NUP214: variants seen among roughly 807,000 people sequenced by gnomAD.
NUP214 encodes the protein nuclear pore complex protein Nup214.
NUP214 carries 79 observed loss-of-function variants against 196.2 expected under a neutral mutation model. That is an observed-to-expected ratio of 0.40 (90% CI 0.34 to 0.49). The LOEUF (loss-of-function observed/expected upper bound fraction) is 0.49. Among genes scored for constraint, NUP214 ranks in the 20% least tolerant of loss-of-function variants. The pLI is 0.58. For missense variants in NUP214, 2,468 were observed against 2,539.0 expected (o/e 0.97, Z 0.60); for synonymous variants, 1,020 against 990.5 (o/e 1.03, Z -0.56).
rs1831499048 is a variant in NUP214, at chr9:131,130,151, G to GTTTTGTT, written c.593-611_593-610insGTTTTTT. Among the ~76,000 whole-genome samples, 4 of 109,218 alleles carry GTTTTGTT rather than the reference G, an allele frequency of 3.7e-5. 1 individual carries two copies. The highest frequency in any genetic ancestry group is 1.4e-4 in the African/African-American group (4 of 27,650). The allele number at this position is 109,218 out of a possible 152,430, so 71.7% of individuals were successfully genotyped here. ...TTTCTGGTTTTGTTTTTTTTTTTTT[G>GTTTTGTT]TTTTTTTTTTGAGACAGAGTCTTGC... is the stretch of plus-strand genomic sequence containing the variant. On this transcript the variant is annotated intron_variant, in intron 4 of 35. Coordinates refer to ENST00000359428, the MANE Select transcript of NUP214 (RefSeq NM_005085.4).
Position 131,222,761 on chromosome 9 carries a change from C to T in NUP214, c.5750-17C>T. On this transcript the variant is annotated splice_polypyrimidine_tract_variant and intron_variant, in intron 31 of 35. Coordinates refer to ENST00000359428, the MANE Select transcript of NUP214 (RefSeq NM_005085.4). Reference sequence around the variant, plus strand: ...ATTTGTCTCCCTCTGACCTCCCTCACATCTTCATCTCTTCAGATACCTCTA... The same window carrying T: ...ATTTGTCTCCCTCTGACCTCCCTCATATCTTCATCTCTTCAGATACCTCTA... 1.2e-6 allele frequency: 2 copies of T among 1,609,006 alleles called. No individual in the cohort carries two copies. The highest frequency in any genetic ancestry group is 1.3e-5 in the African/African-American group (1 of 74,952).
Position 131,128,460 on chromosome 9 carries a change from G to A in NUP214, c.370G>A (p.Asp124Asn), listed in dbSNP as rs1319825530. Residue 124 changes from aspartate to asparagine, a missense_variant, in exon 3 of 36, where the codon GAT becomes AAT. Around this residue, in one of 5 missense-constraint regions of NUP214, gnomAD observed 392 missense variants for 417.9 expected, o/e 0.94. Transcript: ENST00000359428. ...ATATGGTTCCATTATTGCTTTTTTT[G>A]ATGTTCGCACATTCTCAAATGAGGT... Reference protein sequence around the residue: ...SEYGSIIAFFDVRTFSNEAKQ... With the variant: ...SEYGSIIAFFNVRTFSNEAKQ... 1.2e-6 allele frequency: 2 copies of A among 1,612,564 alleles called. No homozygotes were observed. Among genetic ancestry groups the A allele is most frequent in the South Asian group, 2.2e-5 (2 of 90,954 alleles).
At chr9:131,133,271 G>A in intron 7 of NUP214, 62 bp downstream of exon 7, 1 of 1,032,734 alleles carries the variant, frequency 9.7e-7, no homozygotes, top group Non-Finnish European at 1.4e-6. Flanking sequence ...TAAAGCTGGA[G>A]GCTTTGATTT....
rs113971407 is a variant in NUP214 at position 131,132,724 on chromosome 9, A to G, written c.727+65A>G. On this transcript the variant is annotated intron_variant, in intron 6 of 35. Transcript: ENST00000359428. ...ATGTTATGTATATTACAGAAATTCA[A>G]AATCATGTAATGTACCTGCTCAGTG... 109 of 1,372,856 alleles carry G rather than the reference A, an allele frequency of 7.9e-5. 1 individual carries two copies. Among genetic ancestry groups the G allele is most frequent in the African/African-American group, 3.6e-4 (25 of 69,914 alleles). The allele number at this position is 1,372,856 out of a possible 1,614,324, so 85.0% of individuals were successfully genotyped here. A position where few individuals can be genotyped will look rare whatever the true frequency, so the allele number is the denominator to read the frequency against.
intron 24 of NUP214, among the ~76,000 whole-genome samples, chr9:131,186,162 A>G (rs1489549348): frequency 6.6e-6 from 1 of 152,170 alleles, no homozygotes; most frequent in East Asian, 1.9e-4. Flanking sequence ...ACGGGGGAAC[A>G]CTGTATCTGT....
chr9:131,229,038 A>C (rs570893497), intron 33 of NUP214: 1 of 152,356 alleles, frequency 6.6e-6, no homozygotes, highest in Admixed American at 6.5e-5. Flanking sequence ...TGTTCAAAGG[A>C]GGTGTCGATG....
At chr9:131,194,240 C>T (rs1380155436) in intron 27 of NUP214, 1 of 148,072 alleles carries the variant, frequency 6.8e-6, no homozygotes, top group East Asian at 2.0e-4. Flanking sequence ...ACAGTCATGG[C>T]TCACTACAAC....
chr9:131,161,912 G>C (rs1477081684), intron 18 of NUP214, among the ~76,000 whole-genome samples: 1 of 152,204 alleles, frequency 6.6e-6, no homozygotes, highest in African/African-American at 2.4e-5. Flanking sequence ...CAGCAAGCTT[G>C]TCCAACCCAC....
At position 131,146,874 on chromosome 9, in the gene NUP214, G is replaced by T. The variant is rs115360295; in HGVS notation, c.1945+570G>T. 0.041 allele frequency among the ~76,000 whole-genome samples: 6,146 copies of T among 151,384 alleles called. 167 individuals carry two copies. The highest frequency in any genetic ancestry group is 0.078 in the African/African-American group (3,230 of 41,162). On this transcript the variant is annotated intron_variant, in intron 13 of 35. Transcript: ENST00000359428. The surrounding 1 kb of genome is among the most constrained non-coding windows in gnomAD (Gnocchi z 4.6). ...GAACCTAGGAGGCAGAGATTGCAGGGAGTCGAGATCACGCCACTGCTCTCC... is the reference window on the plus strand; with the variant it reads ...GAACCTAGGAGGCAGAGATTGCAGGTAGTCGAGATCACGCCACTGCTCTCC...
chr9:131,153,694 A>G (rs1468312192), intron 17 of NUP214, among the ~76,000 whole-genome samples: 1 of 152,236 alleles, frequency 6.6e-6, no homozygotes, highest in Non-Finnish European at 1.5e-5. Flanking sequence ...TTTACTATGG[A>G]CAATGCACAG....
intron 17 of NUP214, among the ~76,000 whole-genome samples, chr9:131,155,957 A>C (rs571151545): frequency 6.6e-6 from 1 of 152,032 alleles, no homozygotes; most frequent in Non-Finnish European, 1.5e-5. Context: ...TGCTTTGACT[A>C]TGTGGGCTCT....
chr9:131,133,975 C>G (rs930546716), intron 7 of NUP214, among the ~76,000 whole-genome samples: 2 of 151,782 alleles, frequency 1.3e-5, no homozygotes, highest in African/African-American at 4.8e-5. Flanking sequence ...GAGACAGAAT[C>G]TCACTCTGTT....
At chr9:131,201,540 G>A in intron 29 of NUP214, 107 bp from the exon 30 acceptor site, 1 of 819,912 alleles carries the variant, frequency 1.2e-6, no homozygotes, top group South Asian at 1.6e-5. Context: ...ACTCCAGCCT[G>A]GTGACAGAGC....
At position 131,187,383 on chromosome 9, in the gene NUP214, C is replaced by CTTT. The variant is rs528695111; in HGVS notation, c.3495+38_3495+40dup. The CTTT allele has an allele frequency of 8.2e-3, 8,541 of 1,045,380 alleles. 3 individuals are homozygous for CTTT. Among genetic ancestry groups the CTTT allele is most frequent in the South Asian group, 0.017 (1,004 of 58,846 alleles). 64.8% of individuals were successfully genotyped at this position (1,045,380 alleles called of 1,614,324 possible). A position where few individuals can be genotyped will look rare whatever the true frequency, so the allele number is the denominator to read the frequency against. Reference sequence around the variant, plus strand: ...CAAGCAGGTAACTTACTGATTTTTACTTTTTTTTTTTTTTTTTTTTTGAGA... The same window carrying CTTT: ...CAAGCAGGTAACTTACTGATTTTTACTTTTTTTTTTTTTTTTTTTTTTTTGAGA... On this transcript the variant is annotated intron_variant, in intron 25 of 35. Coordinates refer to ENST00000359428, the MANE Select transcript of NUP214 (RefSeq NM_005085.4).
Position 131,233,570 on chromosome 9 carries a change from A to C in NUP214, c.*83A>C, listed in dbSNP as rs771795321. The C allele has an allele frequency of 8.5e-6, 13 of 1,521,946 alleles. No individual in the cohort carries two copies. The African/African-American group carries it at 1.8e-4, about 21-fold the overall frequency. The allele number at this position is 1,521,946 out of a possible 1,614,324, so 94.3% of individuals were successfully genotyped here. A position where few individuals can be genotyped will look rare whatever the true frequency, so the allele number is the denominator to read the frequency against. On this transcript the variant is annotated 3_prime_UTR_variant, in exon 36 of 36. Coordinates refer to ENST00000359428, the MANE Select transcript of NUP214 (RefSeq NM_005085.4). ...CGAGAAATGCTGGAGCAGGCTGTTC[A>C]GACCGACGTTGCCATCAAAACACAT...
In NUP214 at chr9:131,163,164, G is replaced by A. The variant is rs1165218857; in HGVS notation, c.2714G>A (p.Ser905Asn). ...SLSSAVPSQS[S>N]IHSFDSDLES... ...TCCTCGGCTGTTCCTTCCCAGAGCA[G>A]CATTCACAGGTGTGGAGAGGACTTG... The change falls in exon 19 of 36, where the codon AGC becomes AAC. Residue 905 changes from serine (S) to asparagine (N), a missense_variant. Around this residue, in one of 5 missense-constraint regions of NUP214, gnomAD observed 1,801 missense variants for 1,779.4 expected, o/e 1.01. Transcript: ENST00000359428. The A allele has an allele frequency of 1.4e-5, 22 of 1,609,428 alleles. No individual in the cohort carries two copies. Among genetic ancestry groups the A allele is most frequent in the Non-Finnish European group, 1.7e-5 (20 of 1,178,680 alleles).
intron 32 of NUP214, among the ~76,000 whole-genome samples, chr9:131,225,609 A>G (rs1247218621): frequency 2.0e-5 from 3 of 152,188 alleles, no homozygotes; most frequent in Non-Finnish European, 4.4e-5. Context: ...AAGTGAGGGC[A>G]GGGGAAAGGC....
intron 23 of NUP214, among the ~76,000 whole-genome samples, chr9:131,175,958 C>T (rs775704078): frequency 6.6e-6 from 1 of 151,816 alleles, no homozygotes; most frequent in Non-Finnish European, 1.5e-5. Context: ...ATTCGATCAT[C>T]GAATAACACT....
At chr9:131,182,014 A>G (rs994174057) in intron 24 of NUP214, among the ~76,000 whole-genome samples, 5 of 152,204 alleles carry the variant, frequency 3.3e-5, no homozygotes, top group South Asian at 2.1e-4. Context: ...ATCCAACTTC[A>G]TTGTTTTGAA....
Sources: allele counts gnomAD v4.1 joint callset (sites outside exome capture counted in the v4.1 genomes callset), GRCh38; gene constraint gnomAD v4.1.1; regional missense constraint gnomAD v4.1.1; non-coding constraint Gnocchi (gnomAD v3.1); transcripts MANE v1.5; gene names NCBI Gene and HGNC (gene_info 2026-07-23, HGNC 2026-07-21).